The following CACNB4 variants were observed in gnomAD, a reference collection of about 807,000 sequenced individuals.
The protein encoded by CACNB4 is calcium voltage-gated channel auxiliary subunit beta 4, also known as voltage-dependent L-type calcium channel subunit beta-4.
In CACNB4, 32 loss-of-function variants were observed where a neutral mutation model predicts 71.2. The ratio of observed to expected loss-of-function variants is 0.45; its 90% CI spans 0.34 to 0.60. The LOEUF (loss-of-function observed/expected upper bound fraction) is 0.60. Among genes scored for constraint, CACNB4 ranks in the 20% least tolerant of loss-of-function variants. CACNB4 has a pLI of 0.01. For missense variants in CACNB4, 464 were observed against 647.9 expected (o/e 0.72, Z 3.08); for synonymous variants, 231 against 236.9 (o/e 0.97, Z 0.23).
intron 2 of CACNB4, among the ~76,000 whole-genome samples, chr2:152,009,331 T>C (rs138623489): frequency 6.0e-4 from 92 of 152,294 alleles, no homozygotes; most frequent in Admixed American, 9.8e-4. Flanking sequence ...TGTCATGTGG[T>C]ATCCTGGGTG....
intron 2 of CACNB4, among the ~76,000 whole-genome samples, chr2:151,891,814 C>CA (rs1246268502): frequency 8.5e-5 from 13 of 152,130 alleles, no homozygotes; most frequent in African/African-American, 2.9e-4. Flanking sequence ...AGGTGGCCTC[C>CA]AGCAACCAAG....
chr2:151,957,225 T>A (rs1375758473), intron 2 of CACNB4, among the ~76,000 whole-genome samples: 1 of 146,110 alleles, frequency 6.8e-6, no homozygotes, highest in Non-Finnish European at 1.5e-5. Flanking sequence ...CACTTTGATT[T>A]TTTCAAAGAA....
At chr2:152,084,354 G>A (rs1381546632) in intron 2 of CACNB4, among the ~76,000 whole-genome samples, 1 of 152,216 alleles carries the variant, frequency 6.6e-6, no homozygotes, top group African/African-American at 2.4e-5. Flanking sequence ...CAGCACCTTA[G>A]AAGGAAGAAG....
chr2:151,918,520 T>A (rs146338340), intron 2 of CACNB4, among the ~76,000 whole-genome samples: 200 of 152,326 alleles, frequency 1.3e-3, no homozygotes, highest in Middle Eastern at 3.4e-3. Flanking sequence ...TCCAGGGGCT[T>A]TCCTTCTCCA....
chr2:152,066,084 C>G (rs1579231927), intron 2 of CACNB4, among the ~76,000 whole-genome samples: 1 of 152,198 alleles, frequency 6.6e-6, no homozygotes, highest in African/African-American at 2.4e-5. Flanking sequence ...CCTTCAAGTA[C>G]TTCGCAACCT....
intron 2 of CACNB4, among the ~76,000 whole-genome samples, chr2:151,990,524 A>G (rs1051389747): frequency 6.6e-6 from 1 of 152,222 alleles, no homozygotes; most frequent in Non-Finnish European, 1.5e-5. Flanking sequence ...TGTGAGCTCC[A>G]GGAGGAACAG....
At chr2:151,910,828 C>T (rs2099855985) in intron 2 of CACNB4, among the ~76,000 whole-genome samples, 1 of 152,086 alleles carries the variant, frequency 6.6e-6, no homozygotes, top group Non-Finnish European at 1.5e-5. Flanking sequence ...TTTTCTAATT[C>T]TGTGATGAAT....
In CACNB4 at chr2:151,954,144, A is replaced by G. The variant is rs370776492; in HGVS notation, c.148-70774T>C. Among the ~76,000 whole-genome samples the G allele has an allele frequency of 1.1e-4, 17 of 152,328 alleles. No individual in the cohort carries two copies. The East Asian group carries it at 2.5e-3, about 22-fold the overall frequency. On this transcript the variant is annotated intron_variant, in intron 2 of 13. Coordinates refer to ENST00000539935, the MANE Select transcript of CACNB4 (RefSeq NM_000726.5). ...AGGGTTATCAGTGTGTCCCTGAAGC[A>G]ACAACCGCAGCTTCACTATAATGTA...
At position 151,880,549 on chromosome 2, in the gene CACNB4, G is replaced by A; in HGVS notation, c.390+251C>T. 5 of 484,158 alleles carry A rather than the reference G, an allele frequency of 1.0e-5. No homozygotes were observed. In the South Asian group the frequency reaches 1.3e-4, roughly 12 times the overall value. The allele number at this position is 484,158 out of a possible 1,614,324, so 30.0% of individuals were successfully genotyped here. A position where few individuals can be genotyped will look rare whatever the true frequency, so the allele number is the denominator to read the frequency against. On this transcript the variant is annotated intron_variant, in intron 4 of 13. Coordinates refer to ENST00000539935, the MANE Select transcript of CACNB4 (RefSeq NM_000726.5). ...TTAAAGGTGCCCAGAGGACCATAGA[G>A]GTCTGTCAGAAATCTATGCTATAAT...
At chr2:152,070,508 C>T (rs1463812725) in intron 2 of CACNB4, among the ~76,000 whole-genome samples, 8 of 151,954 alleles carry the variant, frequency 5.3e-5, no homozygotes, top group Admixed American at 4.6e-4. Context: ...AAACACTACA[C>T]TTAACACAAA....
At chr2:152,089,798 C>T (rs982486184) in intron 2 of CACNB4, among the ~76,000 whole-genome samples, 5 of 151,904 alleles carry the variant, frequency 3.3e-5, no homozygotes, top group Admixed American at 2.6e-4. Flanking sequence ...AAAAAAAAGC[C>T]AGGCTTGGTA....
intron 2 of CACNB4, among the ~76,000 whole-genome samples, chr2:151,892,477 A>G (rs947467545): frequency 3.3e-5 from 5 of 152,184 alleles, no homozygotes; most frequent in African/African-American, 9.7e-5. Flanking sequence ...CGCCCATGTC[A>G]TTTCTGTAGT....
chr2:152,077,333 T>C (rs187261050), intron 2 of CACNB4, among the ~76,000 whole-genome samples: 10 of 152,272 alleles, frequency 6.6e-5, no homozygotes, highest in African/African-American at 2.4e-4. Flanking sequence ...GGCACATGGA[T>C]CATGAGGTCA....
At chr2:151,882,771 T>G (rs1446546252) in intron 3 of CACNB4, among the ~76,000 whole-genome samples, 1 of 152,226 alleles carries the variant, frequency 6.6e-6, no homozygotes, top group African/African-American at 2.4e-5. Flanking sequence ...TTGTCTTTGC[T>G]GCACTTCTCA....
At chr2:151,874,463 A>G (rs1391527120) in intron 5 of CACNB4, among the ~76,000 whole-genome samples, 2 of 151,044 alleles carry the variant, frequency 1.3e-5, no homozygotes, top group East Asian at 3.9e-4. Context: ...GCGAGACTCT[A>G]AGAAAAAAAA....
At chr2:151,858,743 C>T (rs2099840896) in intron 10 of CACNB4, 1 of 152,218 alleles carries the variant, frequency 6.6e-6, no homozygotes, top group African/African-American at 2.4e-5. Flanking sequence ...CTTCCCTGTT[C>T]TAAGCATGCT....
chr2:152,089,596 T>C (rs1479468607), intron 2 of CACNB4, among the ~76,000 whole-genome samples: 2 of 152,082 alleles, frequency 1.3e-5, no homozygotes, highest in Non-Finnish European at 2.9e-5. Flanking sequence ...AATAGAGAGA[T>C]GGCACTGTTC....
chr2:152,026,359 G>C (rs1393023044), intron 2 of CACNB4, among the ~76,000 whole-genome samples: 4 of 148,628 alleles, frequency 2.7e-5, no homozygotes, highest in Non-Finnish European at 4.5e-5. Context: ...AACCCTCTCT[G>C]GGCTCCACTT....
intron 2 of CACNB4, among the ~76,000 whole-genome samples, chr2:151,982,800 T>C (rs992860431): frequency 1.3e-5 from 2 of 152,182 alleles, no homozygotes; most frequent in African/African-American, 4.8e-5. Context: ...ATTTCCATCT[T>C]ATTGAGGCAA....
Sources: gnomAD v4.1 joint callset for allele counts (sites outside exome capture counted in the v4.1 genomes callset) on GRCh38, gnomAD v4.1.1 for gene constraint, MANE v1.5 for transcripts, NCBI Gene and HGNC (gene_info 2026-07-23, HGNC 2026-07-21) for gene names.